The following SMARCAD1 variants were observed in gnomAD, a reference collection of about 807,000 sequenced individuals.
SMARCAD1 encodes the protein SWI/SNF-related matrix-associated actin-dependent regulator of chromatin subfamily A containing DEAD/H box 1.
SMARCAD1 carries 25 observed loss-of-function variants against 127.1 expected under a neutral mutation model. That is an observed-to-expected ratio of 0.20 (90% confidence interval 0.14 to 0.27). The LOEUF (loss-of-function observed/expected upper bound fraction) is 0.27. SMARCAD1 is among the 10% of genes least tolerant of loss of function. SMARCAD1 has a pLI of 1.00. For missense variants in SMARCAD1, 807 were observed against 1,206.0 expected (o/e 0.67, Z 4.90); for synonymous variants, 400 against 396.9 (o/e 1.01, Z -0.09).
In SMARCAD1 at chr4:94,230,235, A is replaced by G. The variant is rs539117310; in HGVS notation, c.369-3719A>G. 9.9e-5 allele frequency among the ~76,000 whole-genome samples: 15 copies of G among 151,970 alleles called. No individual in the cohort carries two copies. The South Asian group carries it at 3.1e-3, about 32-fold the overall frequency. On this transcript the variant is annotated intron_variant, in intron 3 of 23. Coordinates refer to ENST00000354268, the MANE Select transcript of SMARCAD1 (RefSeq NM_020159.5). ...TCTCTTTCTGTCCCTTCTCCATTCAAACCTTAGAACTAACCAGTTTGTTTA... is the reference window on the plus strand; with the variant it reads ...TCTCTTTCTGTCCCTTCTCCATTCAGACCTTAGAACTAACCAGTTTGTTTA...
rs756740141 is a variant in SMARCAD1 at position 94,208,551 on chromosome 4, A to C, written c.157A>C (p.Asn53His). The part of the protein sequence containing the change: ...ENAEGEVSRA[N>H]TPDSDITEKT... ...TGCTGAAGGGGAAGTTAGCAGGGCA[A>C]ACACTCCTGATTCAGATATAACTGA... The change falls in exon 2 of 24, where the codon AAC becomes CAC. Residue 53 changes from asparagine to histidine, a missense_variant. Physicochemically the swap from Asn to His is moderately conservative, Grantham distance 68. Around this residue, in one of 8 missense-constraint regions of SMARCAD1, gnomAD observed 175 missense variants for 169.5 expected, o/e 1.03. Transcript: ENST00000354268. 1.2e-6 allele frequency: 2 copies of C among 1,614,154 alleles called. No homozygotes were observed. The highest frequency in any genetic ancestry group is 2.2e-5 in the East Asian group (1 of 44,884).
rs1749492916 is a variant in SMARCAD1 at position 94,252,864 on chromosome 4, GTGA to G, written c.1141_1143del (p.Met381del). On this transcript the variant is annotated inframe_deletion, in exon 9 of 24. Transcript: ENST00000354268. Reference sequence around the variant, plus strand: ...TGAGGACTATAGTAGTGGTGAAGAAGTGATGGAGGATGGCTATAAAGGTAAAAT... The same window carrying G: ...TGAGGACTATAGTAGTGGTGAAGAAGTGGAGGATGGCTATAAAGGTAAAAT... 1 of 1,614,002 alleles carries G rather than the reference GTGA, an allele frequency of 6.2e-7. No homozygotes were observed. Among genetic ancestry groups the G allele is most frequent in the African/African-American group, 1.3e-5 (1 of 74,938 alleles).
chr4:94,272,479 G>T (rs1203667398), intron 11 of SMARCAD1, among the ~76,000 whole-genome samples: 1 of 152,192 alleles, frequency 6.6e-6, no homozygotes, highest in African/African-American at 2.4e-5. Context: ...ACTACCCAGA[G>T]AAGCTTTTCC....
At chr4:94,221,741 G>A (rs1744170939) in intron 2 of SMARCAD1, among the ~76,000 whole-genome samples, 1 of 151,990 alleles carries the variant, frequency 6.6e-6, no homozygotes, top group Admixed American at 6.6e-5. Flanking sequence ...CTCTTATATG[G>A]GCTCTTTTGG....
At chr4:94,244,782 A>G (rs1579165497) in intron 6 of SMARCAD1, among the ~76,000 whole-genome samples, 1 of 152,138 alleles carries the variant, frequency 6.6e-6, no homozygotes, top group Non-Finnish European at 1.5e-5. Context: ...TTAACTTTAA[A>G]AATTCTTACA....
intron 2 of SMARCAD1, among the ~76,000 whole-genome samples, chr4:94,216,835 G>A (rs1743280035): frequency 6.6e-6 from 1 of 152,070 alleles, no homozygotes; most frequent in South Asian, 2.1e-4. Flanking sequence ...ATCCATCAAT[G>A]GGCACTTGGA....
intron 9 of SMARCAD1, among the ~76,000 whole-genome samples, chr4:94,263,817 A>T (rs1751360773): frequency 6.6e-6 from 1 of 151,694 alleles, no homozygotes; most frequent in Non-Finnish European, 1.5e-5. Context: ...GGCTTATGGG[A>T]TTTTCATTTT....
chr4:94,250,722 T>C (rs748531196), intron 7 of SMARCAD1, 30 bp from the exon 8 acceptor site: 26 of 1,510,534 alleles, frequency 1.7e-5, no homozygotes, highest in Admixed American at 1.4e-4. Context: ...TTTGAGATTT[T>C]TAACAAAAAG....
chr4:94,270,526 T>C (rs1279313620), intron 10 of SMARCAD1: 3 of 503,752 alleles, frequency 6.0e-6, no homozygotes, highest in East Asian at 7.3e-5. Flanking sequence ...CCAGAAGAAA[T>C]AGAATAGAGA....
chr4:94,233,009 C>G (rs181425649), intron 3 of SMARCAD1, among the ~76,000 whole-genome samples: 2 of 152,150 alleles, frequency 1.3e-5, no homozygotes, highest in Admixed American at 6.5e-5. Flanking sequence ...ATATTCTGTT[C>G]TTTGGAAATT....
At chr4:94,213,958 C>G (rs1742715245) in intron 2 of SMARCAD1, among the ~76,000 whole-genome samples, 1 of 151,948 alleles carries the variant, frequency 6.6e-6, no homozygotes, top group Non-Finnish European at 1.5e-5. Context: ...GCAGGAAAAC[C>G]AATGAAAAAT....
intron 5 of SMARCAD1, 101 bp from the exon 6 acceptor site, chr4:94,240,805 T>C: frequency 1.3e-6 from 1 of 785,894 alleles, no homozygotes; most frequent in South Asian, 1.5e-5. Flanking sequence ...TCAAGAGAAC[T>C]GTCTAGTATT....
intron 23 of SMARCAD1, among the ~76,000 whole-genome samples, chr4:94,288,273 T>C (rs918991613): frequency 3.3e-5 from 5 of 152,200 alleles, no homozygotes; most frequent in Non-Finnish European, 5.9e-5. Flanking sequence ...TTAATGTCTT[T>C]TATAGCTTTC....
At chr4:94,246,244 C>T (rs3103120) in intron 6 of SMARCAD1, among the ~76,000 whole-genome samples, 13 of 151,886 alleles carry the variant, frequency 8.6e-5, no homozygotes, top group Non-Finnish European at 1.5e-4. Context: ...CTCAGCCTCC[C>T]GAGTAGCTGG....
At chr4:94,275,422 C>T (rs1560562291) in intron 14 of SMARCAD1, among the ~76,000 whole-genome samples, 1 of 152,080 alleles carries the variant, frequency 6.6e-6, no homozygotes, top group Non-Finnish European at 1.5e-5. Flanking sequence ...AAATATCTTG[C>T]ACAGAACTTA....
rs1753601630 is a variant in SMARCAD1, at chr4:94,278,523, G to A, written c.2178+6G>A. 1.2e-6 allele frequency: 2 copies of A among 1,608,956 alleles called. No individual in the cohort carries two copies. The highest frequency in any genetic ancestry group is 2.2e-5 in the East Asian group (1 of 44,798). ...TCAGAAGAGTAAAAGAAGAGGTAAT[G>A]CATATCTACATGTTTTTTATTTTTA... On this transcript the variant is annotated splice_donor_region_variant and intron_variant, in intron 17 of 23. Transcript: ENST00000354268.
At position 94,290,582 on chromosome 4, in the gene SMARCAD1, A is replaced by T; in HGVS notation, c.*1048A>T. ...CAGTTTCCAGAATTTCCAGTACAGG[A>T]CCGCCTGAAGAGAGAGCCATTGTTC... On this transcript the variant is annotated 3_prime_UTR_variant, in exon 24 of 24. Transcript: ENST00000354268. The T allele has an allele frequency of 2.2e-6, 1 of 454,496 alleles. No homozygotes were observed. The highest frequency in any genetic ancestry group is 4.4e-6 in the Non-Finnish European group (1 of 226,744). 28.2% of individuals were successfully genotyped at this position (454,496 alleles called of 1,614,324 possible).
intron 9 of SMARCAD1, among the ~76,000 whole-genome samples, chr4:94,263,734 G>A (rs901298146): frequency 1.3e-5 from 2 of 151,868 alleles, no homozygotes; most frequent in African/African-American, 4.8e-5. Flanking sequence ...ATGCTAAATA[G>A]GATGACATGA....
At chr4:94,282,506 T>G (rs1754252150) in intron 21 of SMARCAD1, among the ~76,000 whole-genome samples, 1 of 152,152 alleles carries the variant, frequency 6.6e-6, no homozygotes, top group Non-Finnish European at 1.5e-5. Context: ...TTTAAAATCT[T>G]TCACATTTTA....
Sources: allele counts gnomAD v4.1 joint callset (sites outside exome capture counted in the v4.1 genomes callset), GRCh38; gene constraint gnomAD v4.1.1; regional missense constraint gnomAD v4.1.1; transcripts MANE v1.5; gene names NCBI Gene and HGNC (gene_info 2026-07-23, HGNC 2026-07-21).